The following ARHGAP25 variants were observed in gnomAD, a reference collection of about 807,000 sequenced individuals.
ARHGAP25 encodes rho GTPase-activating protein 25.
A neutral mutation model predicts 71.0 loss-of-function variants in ARHGAP25; 34 were observed. The observed-to-expected ratio is 0.48, with a 90% CI of 0.36 to 0.64. ARHGAP25 has a LOEUF of 0.64. Ranked by LOEUF, ARHGAP25 falls within the 30% of genes least tolerant of loss-of-function variation. The probability of loss-of-function intolerance (pLI) is 0.00; values close to 1 mark genes in which losing one functional copy is unlikely to be tolerated. For synonymous variants in ARHGAP25, 282 were observed against 296.5 expected, an observed-to-expected ratio of 0.95 and a Z score of 0.50; for missense variants, 706 against 805.1, an observed-to-expected ratio of 0.88 and a Z score of 1.49.
In ARHGAP25 at chr2:68,822,784, G is replaced by C; in HGVS notation, c.1645G>C (p.Glu549Gln). The stretch of plus-strand genomic sequence containing the variant: ...GCCTGGAAAAAAGAACTCTGGAGAA[G>C]AGGAAATTGATTCTTTGCAGAGGAT... The part of the protein sequence containing the change: ...TGPGKKNSGE[E>Q]EIDSLQRMVQ... Residue 549 changes from glutamate (E) to glutamine (Q), a missense_variant, in exon 10 of 11, where the codon GAG becomes CAG. Glu to Gln is a conservative substitution (Grantham distance 29). Transcript: ENST00000409202. The C allele has an allele frequency of 6.2e-7, 1 of 1,614,252 alleles. No homozygotes were observed. The highest frequency in any genetic ancestry group is 8.5e-7 in the Non-Finnish European group (1 of 1,180,050).
At chr2:68,784,495 T>C (rs1384720579) in intron 3 of ARHGAP25, among the ~76,000 whole-genome samples, 2 of 151,632 alleles carry the variant, frequency 1.3e-5, no homozygotes, top group Non-Finnish European at 3.0e-5. Context: ...GTAGGCATGC[T>C]AGTTTTTTTT....
chr2:68,798,028 C>T (rs1679693996), intron 4 of ARHGAP25, among the ~76,000 whole-genome samples: 1 of 152,216 alleles, frequency 6.6e-6, no homozygotes, highest in African/African-American at 2.4e-5. Context: ...ATTTAAAGTG[C>T]AGTTGTCTGC....
Position 68,735,179 on chromosome 2 carries a change from C to G in ARHGAP25, c.-21C>G. On this transcript the variant is annotated 5_prime_UTR_variant, in exon 1 of 11. Coordinates refer to ENST00000409202, the MANE Select transcript of ARHGAP25 (RefSeq NM_001007231.3). Reference sequence around the variant, plus strand: ...GACAGACTCACCGCTTCACTAACTACTCACTTAAACTGGAAGCAAAATGTC... The same window carrying G: ...GACAGACTCACCGCTTCACTAACTAGTCACTTAAACTGGAAGCAAAATGTC... The G allele has an allele frequency of 6.2e-7, 1 of 1,608,028 alleles. No individual in the cohort carries two copies. The highest frequency in any genetic ancestry group is 1.3e-5 in the African/African-American group (1 of 74,896).
At chr2:68,752,872 A>AG (rs1558614654) in intron 1 of ARHGAP25, among the ~76,000 whole-genome samples, 8 of 151,402 alleles carry the variant, frequency 5.3e-5, no homozygotes, top group East Asian at 1.9e-4. Context: ...TATATATACA[A>AG]AGAGAGAGAG....
intron 1 of ARHGAP25, among the ~76,000 whole-genome samples, chr2:68,766,879 C>G (rs1281273407): frequency 6.6e-6 from 1 of 152,080 alleles, no homozygotes; most frequent in Admixed American, 6.6e-5. Flanking sequence ...CATTTTTTAC[C>G]TCTTCCTGCA....
At chr2:68,822,289 A>G in intron 9 of ARHGAP25, 51 bp from the exon 10 acceptor site, 1 of 1,549,944 alleles carries the variant, frequency 6.5e-7, no homozygotes, top group Non-Finnish European at 8.8e-7. Context: ...TGGGAGCATG[A>G]CACACAGAGG....
intron 2 of ARHGAP25, among the ~76,000 whole-genome samples, chr2:68,726,602 T>C (rs1483377158): frequency 2.6e-5 from 4 of 152,254 alleles, no homozygotes; most frequent in African/African-American, 9.6e-5. Flanking sequence ...TATAAATTTT[T>C]TGGCTATGGG....
chr2:68,818,719 A>T (rs1471985278), intron 8 of ARHGAP25, among the ~76,000 whole-genome samples: 3 of 152,200 alleles, frequency 2.0e-5, no homozygotes, highest in Non-Finnish European at 4.4e-5. Flanking sequence ...CAGAGTACTG[A>T]TATCTGCCAT....
At chr2:68,770,062 G>A (rs1677387094) in intron 1 of ARHGAP25, among the ~76,000 whole-genome samples, 1 of 152,154 alleles carries the variant, frequency 6.6e-6, no homozygotes, top group Non-Finnish European at 1.5e-5. Flanking sequence ...TAAGGAACAG[G>A]CAGCCTTCTG....
At chr2:68,740,596 G>T (rs999894444) in intron 1 of ARHGAP25, among the ~76,000 whole-genome samples, 2 of 152,098 alleles carry the variant, frequency 1.3e-5, no homozygotes, top group African/African-American at 4.8e-5. Flanking sequence ...TTGTCCACGG[G>T]GAGTCTCTAG....
chr2:68,782,115 A>G (rs1678382021), intron 2 of ARHGAP25, 118 bp from the exon 3 acceptor site: 6 of 885,306 alleles, frequency 6.8e-6, no homozygotes, highest in Middle Eastern at 3.3e-4. Flanking sequence ...CTAGCTTCCC[A>G]TGTCCCTATC....
intron 1 of ARHGAP25, among the ~76,000 whole-genome samples, chr2:68,751,747 G>GA (rs1342199181): frequency 1.3e-5 from 2 of 152,330 alleles, no homozygotes; most frequent in South Asian, 4.1e-4. Flanking sequence ...TCCAAGTACA[G>GA]AAAATCTCCT....
Position 68,826,466 on chromosome 2 carries a change from A to G in ARHGAP25, c.*272A>G, listed in dbSNP as rs1682145254. The stretch of plus-strand genomic sequence containing the variant: ...TCAGGCATGACCACGTCCAGTGAAG[A>G]CATTTGAGGCAGCACATCTCAGGAC... On this transcript the variant is annotated 3_prime_UTR_variant, in exon 11 of 11. Transcript: ENST00000409202. 2 of 533,342 alleles carry G rather than the reference A, an allele frequency of 3.7e-6. No individual in the cohort carries two copies. Among genetic ancestry groups the G allele is most frequent in the Non-Finnish European group, 6.9e-6 (2 of 289,534 alleles). 33.0% of individuals were successfully genotyped at this position (533,342 alleles called of 1,614,324 possible).
chr2:68,721,384 T>G (rs775423181), intron 2 of ARHGAP25, among the ~76,000 whole-genome samples: 7 of 152,230 alleles, frequency 4.6e-5, no homozygotes, highest in Non-Finnish European at 8.8e-5. Flanking sequence ...AGCAAATTAC[T>G]CCTCCATTCC....
At position 68,756,069 on chromosome 2, in the gene ARHGAP25, C is replaced by T. The variant is rs75136580; in HGVS notation, c.62-19152C>T. Among the ~76,000 whole-genome samples, 1,305 of 152,318 alleles carry T rather than the reference C, an allele frequency of 8.6e-3. 19 individuals carry two copies. Among genetic ancestry groups the T allele is most frequent in the African/African-American group, 0.03 (1,240 of 41,582 alleles). ...CTCTTTCCAAGTCTGTCTGATGTATCTATTTTGGGACCCTGGTGTCTAATC... is the reference window on the plus strand; with the variant it reads ...CTCTTTCCAAGTCTGTCTGATGTATTTATTTTGGGACCCTGGTGTCTAATC... On this transcript the variant is annotated intron_variant, in intron 1 of 10. Coordinates refer to ENST00000409202, the MANE Select transcript of ARHGAP25 (RefSeq NM_001007231.3).
intron 3 of ARHGAP25, among the ~76,000 whole-genome samples, chr2:68,784,694 C>T (rs1322239176): frequency 1.3e-5 from 2 of 152,154 alleles, no homozygotes; most frequent in South Asian, 2.1e-4. Context: ...CTCATTTGTA[C>T]GACAAATTCA....
chr2:68,782,851 G>A (rs1385308213), intron 3 of ARHGAP25, among the ~76,000 whole-genome samples: 1 of 152,218 alleles, frequency 6.6e-6, no homozygotes, highest in Non-Finnish European at 1.5e-5. Context: ...TTCCTTGAAT[G>A]CATTTGGAAC....
intron 1 of ARHGAP25, among the ~76,000 whole-genome samples, chr2:68,760,856 T>C (rs1404648572): frequency 1.7e-5 from 2 of 120,324 alleles, no homozygotes; most frequent in Non-Finnish European, 3.5e-5. Flanking sequence ...CAAGGGATCC[T>C]GAATAGCAAA....
Position 68,785,963 on chromosome 2 carries a change from A to T in ARHGAP25, c.350-1877A>T, listed in dbSNP as rs571299719. ...GAAAGTCTGTTCTAGCACCCCAATT[A>T]TGCCCAAATATTTACTTTTTTTTAG... On this transcript the variant is annotated intron_variant, in intron 3 of 10. Coordinates refer to ENST00000409202, the MANE Select transcript of ARHGAP25 (RefSeq NM_001007231.3). Among the ~76,000 whole-genome samples, 203 of 152,254 alleles carry T rather than the reference A, an allele frequency of 1.3e-3. 1 individual carries two copies. The highest frequency in any genetic ancestry group is 4.6e-3 in the African/African-American group (193 of 41,522).
Sources: allele counts gnomAD v4.1 joint callset (sites outside exome capture counted in the v4.1 genomes callset), GRCh38; gene constraint gnomAD v4.1.1; transcripts MANE v1.5; gene names NCBI Gene and HGNC (gene_info 2026-07-23, HGNC 2026-07-21).